The following CNTLN variants were observed in gnomAD, a reference collection of about 807,000 sequenced individuals.
CNTLN encodes centlein, centrosomal protein.
A neutral mutation model predicts 180.0 loss-of-function variants in CNTLN; 212 were observed. That is an observed-to-expected ratio of 1.18 (90% CI 1.05 to 1.32). CNTLN has a LOEUF of 1.32. CNTLN is among the 40% of genes most tolerant of loss of function. CNTLN has a pLI of 0.00. For synonymous variants in CNTLN, 722 were observed against 563.1 expected, an observed-to-expected ratio of 1.28 and a Z score of -3.99; for missense variants, 2,095 against 1,610.9, an observed-to-expected ratio of 1.30 and a Z score of -5.14.
In CNTLN at chr9:17,183,724, G is replaced by A. The variant is rs938882423; in HGVS notation, c.449+40348G>A. On this transcript the variant is annotated intron_variant, in intron 2 of 25. Coordinates refer to ENST00000380647, the MANE Select transcript of CNTLN (RefSeq NM_017738.4). ...CTAGATATAATTATATATAAACAAT[G>A]CTGAGATCAATAGTATTTAAAGTAG... 9.9e-5 allele frequency among the ~76,000 whole-genome samples: 15 copies of A among 152,030 alleles called. No homozygotes were observed. In the South Asian group the frequency reaches 2.5e-3, roughly 25 times the overall value.
the CNTLN span, among the ~76,000 whole-genome samples, chr9:17,524,644 C>A: frequency 2.0e-5 from 3 of 152,208 alleles, no homozygotes; most frequent in Non-Finnish European, 2.9e-5. Flanking sequence ...ACATTGAATG[C>A]AGCTTAAACT....
intron 12 of CNTLN, among the ~76,000 whole-genome samples, chr9:17,347,092 C>G (rs1229115490): frequency 6.6e-6 from 1 of 151,984 alleles, no homozygotes; most frequent in African/African-American, 2.4e-5. Context: ...TGTTTATTTG[C>G]TTAGAGTTTC....
At chr9:17,372,153 G>GA (rs1360709885) in intron 13 of CNTLN, among the ~76,000 whole-genome samples, 5 of 151,734 alleles carry the variant, frequency 3.3e-5, no homozygotes. Context: ...AAAACAATAT[G>GA]AAAAAATCAT....
rs566230040 is a variant in CNTLN, at chr9:17,468,781, T to A, written c.3855+1890T>A. On this transcript the variant is annotated intron_variant, in intron 23 of 25. Coordinates refer to ENST00000380647, the MANE Select transcript of CNTLN (RefSeq NM_017738.4). Reference sequence around the variant, plus strand: ...GCAAAAATTATCTTTAAGAAACTTTTTCTTTATATCCAATGATATAAATAG... The same window carrying A: ...GCAAAAATTATCTTTAAGAAACTTTATCTTTATATCCAATGATATAAATAG... 1.1e-4 allele frequency among the ~76,000 whole-genome samples: 16 copies of A among 151,840 alleles called. No homozygotes were observed. The South Asian group carries it at 3.1e-3, about 29-fold the overall frequency.
At chr9:17,269,037 C>T (rs10962986) in intron 5 of CNTLN, among the ~76,000 whole-genome samples, 29,744 of 151,804 alleles carry the variant, frequency 0.2, 3,542 homozygotes, top group African/African-American at 0.33. Context: ...GTGCGCTGCA[C>T]CCACTGTCCT....
At chr9:17,436,664 C>T (rs1967357) in intron 18 of CNTLN, among the ~76,000 whole-genome samples, 105,176 of 152,032 alleles carry the variant, frequency 0.69, 36,749 homozygotes, top group South Asian at 0.75. Context: ...GTGATTGTTA[C>T]TGTATCCAAA....
intron 2 of CNTLN, among the ~76,000 whole-genome samples, chr9:17,215,152 T>C (rs1018424465): frequency 5.9e-5 from 9 of 152,234 alleles, no homozygotes; most frequent in South Asian, 2.1e-4. Flanking sequence ...TTTTCAGCTT[T>C]TCTGCTCTGT....
intron 18 of CNTLN, among the ~76,000 whole-genome samples, chr9:17,456,235 GT>G (rs1831106450): frequency 6.6e-6 from 1 of 151,988 alleles, no homozygotes; most frequent in African/African-American, 2.4e-5. Flanking sequence ...GAGATTAAGA[GT>G]TTACTTTTAG....
chr9:17,232,465 C>A (rs1239846258), intron 3 of CNTLN, among the ~76,000 whole-genome samples: 2 of 150,088 alleles, frequency 1.3e-5, no homozygotes, highest in Admixed American at 6.6e-5. Context: ...CTATTGGTAT[C>A]ATTTATATTG....
chr9:17,258,623 T>C (rs1296169847), intron 5 of CNTLN, among the ~76,000 whole-genome samples: 1 of 150,162 alleles, frequency 6.7e-6, no homozygotes, highest in Non-Finnish European at 1.5e-5. Flanking sequence ...TGGAATGTTC[T>C]TCCATTTGTA....
the CNTLN span, among the ~76,000 whole-genome samples, chr9:17,518,036 C>CTTTTTTTTTTTTTTTTTTTTTTTTTT: frequency 1.4e-5 from 1 of 69,232 alleles, no homozygotes; most frequent in Admixed American, 2.7e-4. Flanking sequence ...TTTTCTTTTC[C>CTTTTTTTTTTTTTTTTTTTTTTTTTT]TTTTTTTTTT....
chr9:17,143,495 T>C (rs1818246290), intron 2 of CNTLN, 119 bp downstream of exon 2: 2 of 743,814 alleles, frequency 2.7e-6, no homozygotes, highest in Admixed American at 2.7e-5. Flanking sequence ...TCTGAATAAA[T>C]GTGGAGCTAA....
rs372863496 is a variant in CNTLN, at chr9:17,196,864, C to T, written c.450-29339C>T. 9.9e-5 allele frequency among the ~76,000 whole-genome samples: 15 copies of T among 151,902 alleles called. No individual in the cohort carries two copies. The East Asian group carries it at 2.7e-3, about 27-fold the overall frequency. ...TTTATACTTTGTGTTACAAACAATC[C>T]CATTATATTATTTTAGTTATTTTAA... On this transcript the variant is annotated intron_variant, in intron 2 of 25. Transcript: ENST00000380647.
At chr9:17,300,178 C>T (rs1219484558) in intron 7 of CNTLN, 1 of 152,124 alleles carries the variant, frequency 6.6e-6, no homozygotes, top group Non-Finnish European at 1.5e-5. Flanking sequence ...ACTGGCTGAG[C>T]ATCCCAAATC....
intron 13 of CNTLN, among the ~76,000 whole-genome samples, chr9:17,386,091 CT>C (rs1825663183): frequency 6.6e-6 from 1 of 151,850 alleles, no homozygotes; most frequent in Admixed American, 6.6e-5. Flanking sequence ...CTTTAAGAAA[CT>C]TTTTGTATGA....
chr9:17,268,426 T>C (rs537065114), intron 5 of CNTLN, among the ~76,000 whole-genome samples: 1 of 152,308 alleles, frequency 6.6e-6, no homozygotes, highest in Non-Finnish European at 1.5e-5. Flanking sequence ...CCTGGCCATG[T>C]GAGGTGTCTG....
rs148392318 is a variant in CNTLN, at chr9:17,252,452, A to T, written c.849+15864A>T. 2.0e-3 allele frequency among the ~76,000 whole-genome samples: 280 copies of T among 142,568 alleles called. 3 individuals carry two copies. The highest frequency in any genetic ancestry group is 7.4e-3 in the African/African-American group (261 of 35,370). 93.5% of individuals were successfully genotyped at this position (142,568 alleles called of 152,430 possible). ...TAATAGTCATTCGAACTAGGATGAC[A>T]TGACATCTCATTATGGTTTTGATTT... is the stretch of plus-strand genomic sequence containing the variant. On this transcript the variant is annotated intron_variant, in intron 5 of 25. Transcript: ENST00000380647.
At chr9:17,407,098 T>C (rs1827451111) in intron 15 of CNTLN, among the ~76,000 whole-genome samples, 1 of 152,190 alleles carries the variant, frequency 6.6e-6, no homozygotes, top group Admixed American at 6.5e-5. Flanking sequence ...AAATAATGAA[T>C]TCTGGGATAC....
chr9:17,295,854 A>G (rs1046048759), intron 6 of CNTLN, among the ~76,000 whole-genome samples: 1 of 152,054 alleles, frequency 6.6e-6, no homozygotes. Context: ...AATTCCACTT[A>G]TTGAGAGCAT....
Sources: allele counts gnomAD v4.1 joint callset (sites outside exome capture counted in the v4.1 genomes callset), GRCh38; gene constraint gnomAD v4.1.1; transcripts MANE v1.5; gene names NCBI Gene and HGNC (gene_info 2026-07-23, HGNC 2026-07-21).